Variants in FSTL1 observed in about 807,000 individuals in gnomAD.
FSTL1 encodes follistatin-related protein 1.
In FSTL1, 24 loss-of-function variants were observed where a neutral mutation model predicts 45.9. The observed-to-expected ratio is 0.52, with a 90% CI of 0.38 to 0.74. The LOEUF (loss-of-function observed/expected upper bound fraction) is 0.74, where lower values mean the gene tolerates loss of function less well. Ranked by LOEUF, FSTL1 falls within the 30% of genes least tolerant of loss-of-function variation. The pLI, the probability that FSTL1 is intolerant of heterozygous loss-of-function variation, is 0.00. For synonymous variants in FSTL1, 120 were observed against 137.6 expected, an observed-to-expected ratio of 0.87 and a Z score of 0.89; for missense variants, 340 against 381.8, an observed-to-expected ratio of 0.89 and a Z score of 0.91.
intron 3 of FSTL1, among the ~76,000 whole-genome samples, chr3:120,415,244 G>T (rs1001869330): frequency 5.6e-4 from 85 of 152,070 alleles, no homozygotes; most frequent in Non-Finnish European, 1.0e-3. Context: ...AAAGGCAGGG[G>T]CATATAAGGG....
At chr3:120,403,973 C>CAAAAAAAAAAAAAAAAAAA (rs57809249) in intron 7 of FSTL1, among the ~76,000 whole-genome samples, 1 of 72,954 alleles carries the variant, frequency 1.4e-5, no homozygotes, top group African/African-American at 5.2e-5. Context: ...AAAACAAAAA[C>CAAAAAAAAAAAAAAAAAAA]AAAAAAAAAC....
chr3:120,420,174 T>C (rs534416653), intron 2 of FSTL1, among the ~76,000 whole-genome samples: 29 of 152,236 alleles, frequency 1.9e-4, no homozygotes, highest in Non-Finnish European at 3.4e-4. Flanking sequence ...CAAATAGAAG[T>C]GTTTGTTCTA....
At chr3:120,441,556 G>C (rs1488690935) in intron 2 of FSTL1, among the ~76,000 whole-genome samples, 1 of 152,224 alleles carries the variant, frequency 6.6e-6, no homozygotes, top group African/African-American at 2.4e-5. Context: ...CTTTAAAAAA[G>C]AAGGTGATAA....
rs543787272 is a variant in FSTL1, at chr3:120,403,933, A to AC, written c.582-580_582-579insG. Among the ~76,000 whole-genome samples the AC allele has an allele frequency of 3.1e-3, 388 of 125,744 alleles. 8 individuals carry two copies. Among genetic ancestry groups the AC allele is most frequent in the African/African-American group, 0.01 (343 of 33,040 alleles). 82.5% of individuals were successfully genotyped at this position (125,744 alleles called of 152,430 possible). A position where few individuals can be genotyped will look rare whatever the true frequency, so the allele number is the denominator to read the frequency against. ...GAGACTCCGTCTCAAAAAAAAAAAA[A>AC]AAAAAAAAAAACAAAAACAAAACAA... On this transcript the variant is annotated intron_variant, in intron 7 of 10. Coordinates refer to ENST00000295633, the MANE Select transcript of FSTL1 (RefSeq NM_007085.5).
chr3:120,405,003 T>C (rs781653528), intron 6 of FSTL1, 32 bp from the exon 7 acceptor site: 3 of 1,105,394 alleles, frequency 2.7e-6, no homozygotes, highest in Non-Finnish European at 4.2e-6. Flanking sequence ...CGTTCAGGGA[T>C]GTTTTGCAGA....
At chr3:120,413,098 G>GC (rs1173888228) in intron 3 of FSTL1, among the ~76,000 whole-genome samples, 2 of 152,164 alleles carry the variant, frequency 1.3e-5, no homozygotes, top group Admixed American at 6.5e-5. Flanking sequence ...AAGATCACAG[G>GC]CAAGTTCAGT....
chr3:120,444,449 G>A (rs1937693971), intron 2 of FSTL1, among the ~76,000 whole-genome samples: 1 of 149,568 alleles, frequency 6.7e-6, no homozygotes, highest in Non-Finnish European at 1.5e-5. Context: ...AAGGGAGAGG[G>A]TAATGGTAAT....
rs571094001 is a variant in FSTL1, at chr3:120,395,298, C to A, written c.*1654G>T. On this transcript the variant is annotated 3_prime_UTR_variant, in exon 11 of 11. Coordinates refer to ENST00000295633, the MANE Select transcript of FSTL1 (RefSeq NM_007085.5). The stretch of plus-strand genomic sequence containing the variant: ...TGTCAAGGATTTAATCTTTGGTATT[C>A]CAAATGCATCTGAAACAGGGTAGTG... The A allele has an allele frequency of 1.5e-4, 31 of 203,128 alleles. No homozygotes were observed. Among genetic ancestry groups the A allele is most frequent in the African/African-American group, 7.1e-4 (30 of 42,040 alleles). 12.6% of individuals were successfully genotyped at this position (203,128 alleles called of 1,614,324 possible). A position where few individuals can be genotyped will look rare whatever the true frequency, so the allele number is the denominator to read the frequency against.
At chr3:120,403,931 A>AG (rs1164474375) in intron 7 of FSTL1, among the ~76,000 whole-genome samples, 1 of 130,500 alleles carries the variant, frequency 7.7e-6, no homozygotes, top group African/African-American at 2.9e-5. Flanking sequence ...AAAAAAAAAA[A>AG]AAAAAAAAAA....
At chr3:120,412,122 C>G in intron 3 of FSTL1, 139 bp from the exon 4 acceptor site, 2 of 825,972 alleles carry the variant, frequency 2.4e-6, no homozygotes, top group Non-Finnish European at 3.8e-6. Context: ...GCTTCTACCC[C>G]ATCAGGGCAC....
intron 2 of FSTL1, among the ~76,000 whole-genome samples, chr3:120,422,698 AT>A (rs573790628): frequency 2.0e-3 from 285 of 145,452 alleles, no homozygotes; most frequent in Middle Eastern, 3.6e-3. Flanking sequence ...TCAATCAATA[AT>A]TTTTTTTTTT....
chr3:120,413,971 C>G (rs879607280), intron 3 of FSTL1, among the ~76,000 whole-genome samples: 5 of 151,892 alleles, frequency 3.3e-5, no homozygotes, highest in Admixed American at 3.3e-4. Context: ...TTGGTGGAGA[C>G]GGGGTTTCGC....
chr3:120,425,803 T>A (rs969692930), intron 2 of FSTL1, among the ~76,000 whole-genome samples: 1 of 152,188 alleles, frequency 6.6e-6, no homozygotes, highest in Admixed American at 6.5e-5. Context: ...AGGATTCTCA[T>A]AAGCAATGCC....
intron 10 of FSTL1, among the ~76,000 whole-genome samples, chr3:120,399,633 A>G (rs138484045): frequency 3.0e-3 from 456 of 152,088 alleles, no homozygotes; most frequent in Non-Finnish European, 5.6e-3. Context: ...CACCTGCCTG[A>G]TTTTGCCTTA....
Position 120,395,747 on chromosome 3 carries a change from A to T in FSTL1, c.*1205T>A, listed in dbSNP as rs763311258. The T allele has an allele frequency of 1.9e-6, 1 of 533,148 alleles. No individual in the cohort carries two copies. Among genetic ancestry groups the T allele is most frequent in the African/African-American group, 1.9e-5 (1 of 51,738 alleles). The allele number at this position is 533,148 out of a possible 1,614,324, so 33.0% of individuals were successfully genotyped here. ...ACCAATGATCAGAACCACAGAATTT[A>T]TAACTTATCAAATCAAAAGGTTAGT... On this transcript the variant is annotated 3_prime_UTR_variant, in exon 11 of 11. Transcript: ENST00000295633.
In FSTL1 at chr3:120,412,838, G is replaced by GCGCGCGCA. The variant is rs1429168694; in HGVS notation, c.169-856_169-855insTGCGCGCG. 6.5e-4 allele frequency among the ~76,000 whole-genome samples: 69 copies of GCGCGCGCA among 106,180 alleles called. No individual in the cohort carries two copies. The East Asian group carries it at 8.5e-3, about 13-fold the overall frequency. 69.7% of individuals were successfully genotyped at this position (106,180 alleles called of 152,430 possible). A position where few individuals can be genotyped will look rare whatever the true frequency, so the allele number is the denominator to read the frequency against. Reference sequence around the variant, plus strand: ...CACATGTGCGCGCGCGCGCGCGCGCGCACACACACACACACACACACACAC... The same window carrying GCGCGCGCA: ...CACATGTGCGCGCGCGCGCGCGCGCGCGCGCGCACACACACACACACACACACACACAC... On this transcript the variant is annotated intron_variant, in intron 3 of 10. Coordinates refer to ENST00000295633, the MANE Select transcript of FSTL1 (RefSeq NM_007085.5).
chr3:120,416,454 A>C (rs183683229), intron 2 of FSTL1, among the ~76,000 whole-genome samples: 49 of 152,366 alleles, frequency 3.2e-4, no homozygotes, highest in Non-Finnish European at 6.2e-4. Flanking sequence ...AGGAAGTGCA[A>C]GAACAGGATC....
At chr3:120,446,873 C>G (rs1415523998) in intron 2 of FSTL1, among the ~76,000 whole-genome samples, 1 of 152,184 alleles carries the variant, frequency 6.6e-6, no homozygotes, top group East Asian at 1.9e-4. Context: ...CTATTGTTCT[C>G]TCTTAGGTAA....
At chr3:120,443,405 C>G (rs1416731159) in intron 2 of FSTL1, among the ~76,000 whole-genome samples, 1 of 149,878 alleles carries the variant, frequency 6.7e-6, no homozygotes, top group East Asian at 1.9e-4. Context: ...CTAATAGTAG[C>G]TTATGTGCAA....
Sources: gnomAD v4.1 joint callset for allele counts (sites outside exome capture counted in the v4.1 genomes callset) on GRCh38, gnomAD v4.1.1 for gene constraint, MANE v1.5 for transcripts, NCBI Gene and HGNC (gene_info 2026-07-23, HGNC 2026-07-21) for gene names.